Variants in CHRNE observed in about 807,000 individuals in gnomAD.
CHRNE encodes the protein cholinergic receptor nicotinic epsilon subunit, also known as acetylcholine receptor subunit epsilon.
CHRNE carries 58 observed loss-of-function variants against 56.5 expected under a neutral mutation model. That is an observed-to-expected ratio of 1.03 (90% CI 0.83 to 1.28). The LOEUF is 1.28. Ranked by LOEUF, CHRNE falls within the 50% of genes most tolerant of loss-of-function variation. The pLI is 0.00. For synonymous variants in CHRNE, 385 were observed against 297.9 expected (o/e 1.29, Z -3.01); for missense variants, 793 against 688.9 (o/e 1.15, Z -1.69).
In CHRNE at chr17:4,900,852, G is replaced by A. The variant is rs1597618773; in HGVS notation, c.858C>T (p.Phe286=). 1 of 1,614,186 alleles carries A rather than the reference G, an allele frequency of 6.2e-7. No individual in the cohort carries two copies. The highest frequency in any genetic ancestry group is 8.5e-7 in the Non-Finnish European group (1 of 1,179,988). The change falls in exon 8 of 12, where the codon TTC becomes TTT. Residue 286 remains phenylalanine, a synonymous_variant. Transcript: ENST00000649488. Reference sequence around the variant, plus strand: ...GGATTTTCTGGGCAATGAGGAACAAGAAGACGGTCTGGGCGAGCAGGACGT... The same window carrying A: ...GGATTTTCTGGGCAATGAGGAACAAAAAGACGGTCTGGGCGAGCAGGACGT... ...SINVLLAQTV[F]LFLIAQKIPE... is the part of the protein sequence containing the mutation.
Position 4,899,273 on chromosome 17 carries a change from C to A in CHRNE, c.1144G>T (p.Glu382Ter). The A allele has an allele frequency of 6.2e-7, 1 of 1,602,100 alleles. No homozygotes were observed. The highest frequency in any genetic ancestry group is 2.2e-5 in the East Asian group (1 of 44,600). ...ASSVGLLLRA[E>*]ELILKKPRSE... ...CGTGGCTTTTTCAGTATCAGCTCCT[C>A]CGCGCGGAGCAATAAGCCCACCGAC... Residue 382 changes from glutamate to a stop codon, truncating the protein, a stop_gained, in exon 10 of 12, where the codon GAG (glutamate) becomes TAG (stop). Transcript: ENST00000649488. LOFTEE classifies it high-confidence loss of function.
rs55770091 is a variant in CHRNE at position 4,902,744 on chromosome 17, G to A, written c.66C>T (p.Asn22=). ...GATGGTGATAAAGACGCAGTTCCTC[G>A]TTCTTCCCCACACCCCTGCCTGCGA... The part of the protein sequence containing the change: ...LGLLGRGVGK[N]EELRLYHHLF... Residue 22 remains asparagine (N), a synonymous_variant, in exon 2 of 12, where the codon AAC becomes AAT. Transcript: ENST00000649488. The surrounding 1 kb of genome is among the most constrained non-coding windows in gnomAD (Gnocchi z 4.0). 185 of 1,613,974 alleles carry A rather than the reference G, an allele frequency of 1.1e-4. No homozygotes were observed. In the Admixed American group the frequency reaches 1.6e-3, roughly 14 times the overall value.
At chr17:4,900,055 G>T in intron 8 of CHRNE, 1 of 1,551,300 alleles carries the variant, frequency 6.4e-7, no homozygotes, top group Non-Finnish European at 8.7e-7. Context: ...CGAAGATGCA[G>T]GGGATGCTGC....
rs1485246918 is a variant in CHRNE at position 4,902,347 on chromosome 17, G to T, written c.235-21C>A. The T allele has an allele frequency of 6.2e-7, 1 of 1,613,992 alleles. No homozygotes were observed. The highest frequency in any genetic ancestry group is 2.2e-5 in the East Asian group (1 of 44,876). ...CAATCCTAAGGGGTGGGGGATGGAAGGCCGCGTGCCCTGCATCTCCCACCT... is the reference window on the plus strand; with the variant it reads ...CAATCCTAAGGGGTGGGGGATGGAATGCCGCGTGCCCTGCATCTCCCACCT... On this transcript the variant is annotated intron_variant, in intron 3 of 11. Transcript: ENST00000649488. This position sits in a 1 kb window ranked among gnomAD's most constrained non-coding sequence, Gnocchi z 4.0.
chr17:4,907,781 C>A (rs1003922230), upstream of CHRNE, among the ~76,000 whole-genome samples: 1 of 152,132 alleles, frequency 6.6e-6, no homozygotes, highest in Non-Finnish European at 1.5e-5. Context: ...GTGGCTCGTG[C>A]CTGTAATCCC....
chr17:4,898,910 A>T lies in CHRNE; in HGVS notation c.1327-19T>A, dbSNP rs1969827300. The T allele has an allele frequency of 1.3e-6, 2 of 1,571,310 alleles. No individual in the cohort carries two copies. The highest frequency in any genetic ancestry group is 1.2e-5 in the South Asian group (1 of 86,172). On this transcript the variant is annotated intron_variant, in intron 11 of 11. Transcript: ENST00000649488. ...ACACTTCCTGGGGAAGGGTCGGCAC[A>T]GTCAGTAAAGAGGCAGCTGCAGGAG...
intron 8 of CHRNE, chr17:4,900,486 C>T: frequency 1.3e-6 from 2 of 1,551,082 alleles, no homozygotes; most frequent in Non-Finnish European, 1.7e-6. Context: ...GCAGCTAGGC[C>T]TCGGAATCCC....
At position 4,897,899 on chromosome 17, in the gene CHRNE, T is replaced by C. The variant is rs8834; in HGVS notation, c.*837A>G. On this transcript the variant is annotated 3_prime_UTR_variant, in exon 12 of 12. Coordinates refer to ENST00000649488, the MANE Select transcript of CHRNE (RefSeq NM_000080.4). ...TCTTCTAGCCCATGCCCTTCCCCGG[T>C]GGAGGGAGGGAGCAGGGAGCCCTCA... 0.36 allele frequency: 51,770 copies of C among 145,814 alleles called. 9,519 individuals are homozygous for C. Among genetic ancestry groups the C allele is most frequent in the South Asian group, 0.63 (2,897 of 4,610 alleles). 9.0% of individuals were successfully genotyped at this position (145,814 alleles called of 1,614,324 possible).
Position 4,899,026 on chromosome 17 carries a change from G to C in CHRNE, c.1301C>G (p.Thr434Arg). Residue 434 changes from threonine to arginine, a missense_variant, in exon 11 of 12, where the codon ACG (threonine) becomes AGG (arginine). Physicochemically the swap from Thr to Arg is moderately conservative, Grantham distance 71. Transcript: ENST00000649488. ...CTCGCCGGTGGCCTCCTGATCTCTC[G>C]TGCTCTCGGCCACGAAGTTCACGGC... ...VDAVNFVAES[T>R]RDQEATGEEV... 3 of 1,609,152 alleles carry C rather than the reference G, an allele frequency of 1.9e-6. No individual in the cohort carries two copies. The highest frequency in any genetic ancestry group is 1.3e-5 in the African/African-American group (1 of 75,020).
rs1170431480 is a variant in CHRNE, at chr17:4,899,774, C to A, written c.918-192G>T. ...CACTTGTGGCGGCCATGAAGGGGAC[C>A]CCCAGCTCCCTGGACACCCTGATGT... On this transcript the variant is annotated intron_variant, in intron 8 of 11. Transcript: ENST00000649488. 1.9e-5 allele frequency: 30 copies of A among 1,551,200 alleles called. No individual in the cohort carries two copies. Among genetic ancestry groups the A allele is most frequent in the Middle Eastern group, 1.7e-4 (1 of 6,014 alleles).
chr17:4,899,815 A>G, intron 8 of CHRNE: 5 of 1,551,026 alleles, frequency 3.2e-6, no homozygotes, highest in Non-Finnish European at 4.4e-6. Flanking sequence ...TACCACTTCC[A>G]CAGCTCCACC....
chr17:4,900,160 G>A, intron 8 of CHRNE: 1 of 1,547,602 alleles, frequency 6.5e-7, no homozygotes, highest in Non-Finnish European at 8.7e-7. Flanking sequence ...GGTACTGGGG[G>A]GCTTAGGATA....
intron 5 of CHRNE, 119 bp downstream of exon 5, chr17:4,901,813 C>A (rs1399159992): frequency 1.4e-6 from 2 of 1,462,192 alleles, no homozygotes; most frequent in Non-Finnish European, 1.9e-6. Flanking sequence ...CCAGTGCCTA[C>A]GCCTGGCTCC....
chr17:4,903,166 T>G, upstream of CHRNE: 1 of 1,175,158 alleles, frequency 8.5e-7, no homozygotes, highest in East Asian at 2.5e-5. Context: ...TCCGGGCTGT[T>G]AGGGGACTGT....
Position 4,902,167 on chromosome 17 carries a change from C to T in CHRNE, c.344+50G>A, listed in dbSNP as rs759957588. ...CCCCCTTCCCCAACCAAGTCCAGCC[C>T]GCACCCCAGGCCGGCTTCCCTCCAG... On this transcript the variant is annotated intron_variant, in intron 4 of 11. Coordinates refer to ENST00000649488, the MANE Select transcript of CHRNE (RefSeq NM_000080.4). The surrounding 1 kb of genome is among the most constrained non-coding windows in gnomAD (Gnocchi z 4.0). 7 of 1,613,500 alleles carry T rather than the reference C, an allele frequency of 4.3e-6. No homozygotes were observed. In the African/African-American group the frequency reaches 8.0e-5, roughly 18 times the overall value.
chr17:4,906,291 C>A (rs1388242801), upstream of CHRNE, among the ~76,000 whole-genome samples: 3 of 152,144 alleles, frequency 2.0e-5, no homozygotes, highest in East Asian at 3.9e-4. Flanking sequence ...TCTGGTAATT[C>A]ACCCTCTAGC....
Position 4,900,042 on chromosome 17 carries a change from AACCGAAG to A in CHRNE, c.918-467_918-461del, listed in dbSNP as rs141567249. 3,786 of 1,551,400 alleles carry A rather than the reference AACCGAAG, an allele frequency of 2.4e-3. 122 individuals are homozygous for A. In the East Asian group the frequency reaches 0.07, roughly 29 times the overall value. On this transcript the variant is annotated intron_variant, in intron 8 of 11. Coordinates refer to ENST00000649488, the MANE Select transcript of CHRNE (RefSeq NM_000080.4). Reference sequence around the variant, plus strand: ...GAGCTGAAGTCCCTGGAGCCACCCGAACCGAAGATGCAGGGGATGCTGCCTGCCCCGA... The same window carrying A: ...GAGCTGAAGTCCCTGGAGCCACCCGAATGCAGGGGATGCTGCCTGCCCCGA...
chr17:4,899,185 C>G lies in CHRNE; in HGVS notation c.1219+13G>C. The G allele has an allele frequency of 6.3e-7, 1 of 1,586,430 alleles. No individual in the cohort carries two copies. The highest frequency in any genetic ancestry group is 8.6e-7 in the Non-Finnish European group (1 of 1,165,064). ...CCCCGCGCGGCCCCCCGGGCCAGGG[C>G]CACTGTGCTCACCCGTCCAGGTCCC... On this transcript the variant is annotated intron_variant, in intron 10 of 11. Transcript: ENST00000649488.
chr17:4,904,878 G>A (rs1970072137), upstream of CHRNE, among the ~76,000 whole-genome samples: 1 of 152,154 alleles, frequency 6.6e-6, no homozygotes, highest in Non-Finnish European at 1.5e-5. Flanking sequence ...TGTTTCCACT[G>A]CTGCCTTATC....
Sources: allele counts gnomAD v4.1 joint callset (sites outside exome capture counted in the v4.1 genomes callset), GRCh38; gene constraint gnomAD v4.1.1; non-coding constraint Gnocchi (gnomAD v3.1); transcripts MANE v1.5; gene names NCBI Gene and HGNC (gene_info 2026-07-23, HGNC 2026-07-21).